The following ZBTB41 variants were observed in gnomAD, a reference collection of about 807,000 sequenced individuals.
ZBTB41 encodes zinc finger and BTB domain-containing protein 41.
In ZBTB41, 42 loss-of-function variants were observed where a neutral mutation model predicts 87.6. The observed-to-expected ratio is 0.48, with a 90% confidence interval of 0.37 to 0.62. The LOEUF (loss-of-function observed/expected upper bound fraction) is 0.62. Among genes scored for constraint, ZBTB41 ranks in the 20% least tolerant of loss-of-function variants. The probability of loss-of-function intolerance (pLI) is 0.00; values close to 1 mark genes in which losing one functional copy is unlikely to be tolerated. For missense variants in ZBTB41, 799 were observed against 1,078.9 expected (o/e 0.74, Z 3.63); for synonymous variants, 364 against 364.0 (o/e 1.00, Z 0.00).
chr1:197,168,704 A>C (rs1378645974), intron 10 of ZBTB41, among the ~76,000 whole-genome samples: 1 of 152,126 alleles, frequency 6.6e-6, no homozygotes, highest in Non-Finnish European at 1.5e-5. Context: ...TGGGTTGAGC[A>C]AAAGTTTCTT....
At chr1:197,185,836 A>C (rs999341260) in intron 5 of ZBTB41, among the ~76,000 whole-genome samples, 22 of 152,344 alleles carry the variant, frequency 1.4e-4, no homozygotes, top group African/African-American at 5.3e-4. Context: ...GAAAGAAATC[A>C]AAGAAAAACG....
At chr1:197,181,275 T>C (rs1321966765) in intron 5 of ZBTB41, among the ~76,000 whole-genome samples, 158 bp from the exon 6 acceptor site, 5 of 152,152 alleles carry the variant, frequency 3.3e-5, no homozygotes, top group Non-Finnish European at 5.9e-5. Flanking sequence ...AGAATAACAT[T>C]TCCATATCCC....
At chr1:197,181,449 T>G (rs1022251259) in intron 5 of ZBTB41, among the ~76,000 whole-genome samples, 3 of 152,112 alleles carry the variant, frequency 2.0e-5, no homozygotes, top group Non-Finnish European at 4.4e-5. Context: ...TAAAAAACTT[T>G]GGAAGAATGA....
chr1:197,174,407 C>T lies in ZBTB41; in HGVS notation c.1985+603G>A, dbSNP rs538272958. 5.3e-4 allele frequency among the ~76,000 whole-genome samples: 81 copies of T among 152,066 alleles called. No homozygotes were observed. In the Middle Eastern group the frequency reaches 0.01, roughly 19 times the overall value. On this transcript the variant is annotated intron_variant, in intron 9 of 10. Coordinates refer to ENST00000367405, the MANE Select transcript of ZBTB41 (RefSeq NM_194314.3). ...TAGAAAAATAATTGGTGGTTGGAGG[C>T]GTGTTAATCCTATGTACATTTTGCT...
chr1:197,171,484 C>G (rs1659477084), intron 10 of ZBTB41, among the ~76,000 whole-genome samples: 1 of 151,914 alleles, frequency 6.6e-6, no homozygotes, highest in South Asian at 2.1e-4. Flanking sequence ...CATAAATGGG[C>G]TTGTTTCTTA....
rs570968721 is a variant in ZBTB41 at position 197,155,939 on chromosome 1, G to A, written c.*3420C>T. On this transcript the variant is annotated 3_prime_UTR_variant, in exon 11 of 11. Coordinates refer to ENST00000367405, the MANE Select transcript of ZBTB41 (RefSeq NM_194314.3). ...GGATTTTAGGCTGCAAAAAAAATAG[G>A]TTGGGTTTCTTACAAAAATAACCTC... The A allele has an allele frequency of 3.3e-5, 5 of 152,322 alleles. No homozygotes were observed. In the East Asian group the frequency reaches 9.6e-4, roughly 29 times the overall value. 9.4% of individuals were successfully genotyped at this position (152,322 alleles called of 1,614,324 possible). A position where few individuals can be genotyped will look rare whatever the true frequency, so the allele number is the denominator to read the frequency against.
At chr1:197,163,932 TG>T (rs375523345) in intron 10 of ZBTB41, among the ~76,000 whole-genome samples, 1 of 152,122 alleles carries the variant, frequency 6.6e-6, no homozygotes, top group African/African-American at 2.4e-5. Flanking sequence ...AATAATATGG[TG>T]CCAGCAGACT....
At position 197,181,102 on chromosome 1, in the gene ZBTB41, T is replaced by C; in HGVS notation, c.1562A>G (p.Asp521Gly). The C allele has an allele frequency of 6.3e-7, 1 of 1,586,950 alleles. No homozygotes were observed. Reference sequence around the variant, plus strand: ...GTCGTTAAACTGGCGACCACATATATCACATGGAAAAGGACCTAAAAAGGA... The same window carrying C: ...GTCGTTAAACTGGCGACCACATATACCACATGGAAAAGGACCTAAAAAGGA... ...EKFHLGPFPC[D>G]ICGRQFNDTG... The change falls in exon 6 of 11, where the codon GAT becomes GGT. Residue 521 changes from aspartate to glycine, a missense_variant. Asp to Gly is a moderately conservative substitution (Grantham distance 94, BLOSUM62 -1). Coordinates refer to ENST00000367405, the MANE Select transcript of ZBTB41 (RefSeq NM_194314.3).
chr1:197,172,933 C>CAAATA, intron 9 of ZBTB41, among the ~76,000 whole-genome samples: 1 of 151,952 alleles, frequency 6.6e-6, no homozygotes, highest in African/African-American at 2.4e-5. Context: ...AATATTAGTC[C>CAAATA]TTTATTTTTA....
chr1:197,161,392 A>C (rs1659195866), intron 10 of ZBTB41, among the ~76,000 whole-genome samples: 1 of 152,118 alleles, frequency 6.6e-6, no homozygotes, highest in Non-Finnish European at 1.5e-5. Flanking sequence ...CCATTCTCCT[A>C]GTAAATTAAA....
chr1:197,178,551 C>T lies in ZBTB41; in HGVS notation c.1677-39G>A, dbSNP rs201137859. On this transcript the variant is annotated intron_variant, in intron 6 of 10. Transcript: ENST00000367405. ...TATAGATTCGAGATTTTTTAAATGC[C>T]TATATATAGTAAATAGATTTCTGGA... 4.2e-6 allele frequency: 6 copies of T among 1,426,126 alleles called. No homozygotes were observed. The East Asian group carries it at 1.5e-4, about 35-fold the overall frequency. The allele number at this position is 1,426,126 out of a possible 1,614,324, so 88.3% of individuals were successfully genotyped here.
chr1:197,181,806 G>C (rs1659755128), intron 5 of ZBTB41, among the ~76,000 whole-genome samples: 1 of 152,098 alleles, frequency 6.6e-6, no homozygotes, highest in Non-Finnish European at 1.5e-5. Context: ...ATTCAGAAAC[G>C]TAACTATAAG....
intron 4 of ZBTB41, 64 bp from the exon 5 acceptor site, chr1:197,188,503 T>A: frequency 7.1e-7 from 1 of 1,400,134 alleles, no homozygotes. Context: ...ATTAAGCTTG[T>A]AATGAGAAGA....
At chr1:197,161,789 A>G (rs1659206211) in intron 10 of ZBTB41, among the ~76,000 whole-genome samples, 1 of 152,070 alleles carries the variant, frequency 6.6e-6, no homozygotes, top group African/African-American at 2.4e-5. Context: ...AAGAACTCTT[A>G]AGTGCGTTCT....
chr1:197,173,231 C>T (rs1557978495), intron 9 of ZBTB41, among the ~76,000 whole-genome samples: 1 of 152,076 alleles, frequency 6.6e-6, no homozygotes, highest in Non-Finnish European at 1.5e-5. Context: ...CTTAACATAT[C>T]CATTGAGTTT....
intron 5 of ZBTB41, among the ~76,000 whole-genome samples, chr1:197,184,382 C>T (rs1659832320): frequency 6.6e-6 from 1 of 152,170 alleles, no homozygotes; most frequent in South Asian, 2.1e-4. Context: ...GCAATAGTGC[C>T]TTGAAAGTAT....
chr1:197,194,622 A>AG (rs1346808436), intron 2 of ZBTB41, among the ~76,000 whole-genome samples: 4 of 150,720 alleles, frequency 2.7e-5, no homozygotes, highest in Non-Finnish European at 5.9e-5. Context: ...AAGCAAGAAA[A>AG]AAAAAAAAAA....
At chr1:197,187,017 C>G (rs1456893780) in intron 5 of ZBTB41, among the ~76,000 whole-genome samples, 1 of 152,178 alleles carries the variant, frequency 6.6e-6, no homozygotes, top group Non-Finnish European at 1.5e-5. Flanking sequence ...TGAGATACCA[C>G]TACAAACCTA....
At chr1:197,173,370 T>A (rs1483484478) in intron 9 of ZBTB41, among the ~76,000 whole-genome samples, 5 of 152,084 alleles carry the variant, frequency 3.3e-5, no homozygotes, top group Non-Finnish European at 7.4e-5. Context: ...AGCACTGTCC[T>A]AGATGAACTT....
Sources: allele counts gnomAD v4.1 joint callset (sites outside exome capture counted in the v4.1 genomes callset), GRCh38; gene constraint gnomAD v4.1.1; transcripts MANE v1.5; gene names NCBI Gene and HGNC (gene_info 2026-07-23, HGNC 2026-07-21).